VWA3B: variants seen among roughly 807,000 people sequenced by gnomAD.
VWA3B encodes the protein von Willebrand factor A domain containing 3B.
A neutral mutation model predicts 158.3 loss-of-function variants in VWA3B; 138 were observed. The observed-to-expected ratio is 0.87, with a 90% confidence interval of 0.76 to 1.00. The LOEUF (loss-of-function observed/expected upper bound fraction) is 1.00. Among genes scored for constraint, VWA3B ranks in the 50% least tolerant of loss-of-function variants. The probability of loss-of-function intolerance (pLI) is 0.00; values close to 1 mark genes in which losing one functional copy is unlikely to be tolerated. For missense variants in VWA3B, 1,555 were observed against 1,565.1 expected, an observed-to-expected ratio of 0.99 and a Z score of 0.11; for synonymous variants, 596 against 587.3, an observed-to-expected ratio of 1.01 and a Z score of -0.21.
At chr2:98,141,138 A>G (rs961905094) in intron 7 of VWA3B, among the ~76,000 whole-genome samples, 1 of 152,214 alleles carries the variant, frequency 6.6e-6, no homozygotes, top group Non-Finnish European at 1.5e-5. Flanking sequence ...TCTGGTTGGC[A>G]GGGTTTCATG....
intron 9 of VWA3B, among the ~76,000 whole-genome samples, chr2:98,182,382 A>G (rs78453544): frequency 0.019 from 2,953 of 152,338 alleles, 53 homozygotes; most frequent in Middle Eastern, 0.037. Flanking sequence ...GAGCCACACC[A>G]TGTTATGTTC....
chr2:98,244,930 TGCATCCC>T (rs1686295702), intron 19 of VWA3B, among the ~76,000 whole-genome samples: 2 of 152,284 alleles, frequency 1.3e-5, no homozygotes, highest in South Asian at 2.1e-4. Context: ...GGCCTGTTCA[TGCATCCC>T]AGCAATTCCT....
intron 9 of VWA3B, among the ~76,000 whole-genome samples, chr2:98,184,841 C>T (rs1680883487): frequency 6.6e-6 from 1 of 152,208 alleles, no homozygotes; most frequent in African/African-American, 2.4e-5. Context: ...CCTTCTCTCT[C>T]CTTCTTCCCA....
chr2:98,108,011 C>T (rs952130059), intron 2 of VWA3B, among the ~76,000 whole-genome samples: 2 of 151,924 alleles, frequency 1.3e-5, no homozygotes, highest in African/African-American at 4.8e-5. Context: ...CTACAAATTT[C>T]CCTCCAGTCA....
rs1302034902 is a variant in VWA3B, at chr2:98,255,180, A to ATTTTT, written c.2793-943_2793-942insTTTTT. 7.1e-3 allele frequency among the ~76,000 whole-genome samples: 468 copies of ATTTTT among 65,906 alleles called. 49 individuals carry two copies. Among genetic ancestry groups the ATTTTT allele is most frequent in the African/African-American group, 0.03 (450 of 15,254 alleles). The allele number at this position is 65,906 out of a possible 152,430, so 43.2% of individuals were successfully genotyped here. Reference sequence around the variant, plus strand: ...AGTCGCCCGCCACCACGCCCGGCTGATATTTTTTTTTTTTTTTTTTTTTTT... The same window carrying ATTTTT: ...AGTCGCCCGCCACCACGCCCGGCTGATTTTTTATTTTTTTTTTTTTTTTTTTTTTT... On this transcript the variant is annotated intron_variant, in intron 20 of 27. Coordinates refer to ENST00000477737, the MANE Select transcript of VWA3B (RefSeq NM_144992.5).
intron 2 of VWA3B, among the ~76,000 whole-genome samples, chr2:98,115,331 A>C (rs1039897954): frequency 4.6e-5 from 7 of 152,266 alleles, no homozygotes; most frequent in Middle Eastern, 6.8e-3. Flanking sequence ...CATTAGGAGA[A>C]ATACCTAATG....
intron 6 of VWA3B, among the ~76,000 whole-genome samples, chr2:98,132,190 TG>T (rs1675924277): frequency 1.3e-5 from 2 of 152,250 alleles, no homozygotes; most frequent in African/African-American, 4.8e-5. Context: ...AGGTGGGTCT[TG>T]CAGAAAAGGA....
chr2:98,154,663 C>T (rs932950413), intron 7 of VWA3B, among the ~76,000 whole-genome samples: 1 of 152,190 alleles, frequency 6.6e-6, no homozygotes, highest in African/African-American at 2.4e-5. Flanking sequence ...CAATCAGCTC[C>T]TTAGAATTGT....
At chr2:98,209,974 T>C (rs1019204276) in intron 12 of VWA3B, among the ~76,000 whole-genome samples, 4 of 152,096 alleles carry the variant, frequency 2.6e-5, no homozygotes, top group African/African-American at 9.7e-5. Context: ...GGCCCCTCAA[T>C]TCCTGTTTGG....
At chr2:98,135,404 C>T (rs1573867448) in intron 7 of VWA3B, among the ~76,000 whole-genome samples, 2 of 127,566 alleles carry the variant, frequency 1.6e-5, no homozygotes, top group Admixed American at 9.3e-5. Context: ...GGCGGGATCT[C>T]GGCTCACTGC....
intron 13 of VWA3B, among the ~76,000 whole-genome samples, chr2:98,216,537 G>A (rs1028769190): frequency 6.6e-6 from 1 of 152,228 alleles, no homozygotes; most frequent in Non-Finnish European, 1.5e-5. Flanking sequence ...CCGGCAGGGA[G>A]GAGATGGAAT....
At chr2:98,166,563 C>A (rs1558625797) in intron 8 of VWA3B, among the ~76,000 whole-genome samples, 1 of 152,164 alleles carries the variant, frequency 6.6e-6, no homozygotes, top group Middle Eastern at 3.2e-3. Context: ...TTGCTGGCAC[C>A]TTCATCCTGG....
At chr2:98,228,092 C>G (rs1685056220) in intron 14 of VWA3B, 110 bp from the exon 15 acceptor site, 4 of 1,265,390 alleles carry the variant, frequency 3.2e-6, no homozygotes, top group Non-Finnish European at 3.2e-6. Context: ...AGCTCAAGAC[C>G]AGCGTGGGCA....
At chr2:98,235,673 G>A (rs541692370) in intron 17 of VWA3B, among the ~76,000 whole-genome samples, 20 of 152,260 alleles carry the variant, frequency 1.3e-4, no homozygotes, top group Non-Finnish European at 2.5e-4. Context: ...TGAGCCACCC[G>A]CCTTGGCCTC....
chr2:98,193,125 TCCTAAGAAAG>T (rs1275846536), intron 11 of VWA3B, 89 bp downstream of exon 11: 4 of 1,496,930 alleles, frequency 2.7e-6, no homozygotes, highest in Non-Finnish European at 3.6e-6. Flanking sequence ...TCTAAAAAAT[TCCTAAGAAAG>T]CCAAATTCAG....
At chr2:98,163,904 G>A (rs553296580) in intron 8 of VWA3B, among the ~76,000 whole-genome samples, 2 of 152,302 alleles carry the variant, frequency 1.3e-5, no homozygotes, top group Admixed American at 6.5e-5. Flanking sequence ...AAAATCAGGC[G>A]ATGCAGAGAT....
chr2:98,097,207 CAG>C (rs1338046246), intron 2 of VWA3B, among the ~76,000 whole-genome samples: 1 of 152,144 alleles, frequency 6.6e-6, no homozygotes, highest in African/African-American at 2.4e-5. Context: ...GTAACCCAAG[CAG>C]TGCACATTGG....
At chr2:98,290,314 G>A (rs1348539108) in intron 22 of VWA3B, among the ~76,000 whole-genome samples, 197 bp from the exon 23 acceptor site, 2 of 152,078 alleles carry the variant, frequency 1.3e-5, no homozygotes, top group Non-Finnish European at 2.9e-5. Flanking sequence ...ACAGCACTAG[G>A]AGAATGGTGC....
At chr2:98,160,805 T>C (rs1678510715) in intron 7 of VWA3B, among the ~76,000 whole-genome samples, 1 of 152,198 alleles carries the variant, frequency 6.6e-6, no homozygotes, top group South Asian at 2.1e-4. Flanking sequence ...CAGATTTCAC[T>C]TCCTAGGCTG....
Sources: gnomAD v4.1 joint callset for allele counts (sites outside exome capture counted in the v4.1 genomes callset) on GRCh38, gnomAD v4.1.1 for gene constraint, MANE v1.5 for transcripts, NCBI Gene and HGNC (gene_info 2026-07-23, HGNC 2026-07-21) for gene names.